Variants in SHROOM3 observed in about 807,000 individuals in gnomAD.
SHROOM3 encodes protein Shroom3.
Under a neutral mutation model 138.6 loss-of-function variants are expected in SHROOM3, and 47 were observed. The observed-to-expected ratio is 0.34, with a 90% CI of 0.27 to 0.43. The LOEUF (loss-of-function observed/expected upper bound fraction) is 0.43, where lower values mean the gene tolerates loss of function less well. Among genes scored for constraint, SHROOM3 ranks in the 20% least tolerant of loss-of-function variants. SHROOM3 has a pLI of 1.00. For missense variants in SHROOM3, 2,491 were observed against 2,596.5 expected, an observed-to-expected ratio of 0.96 and a Z score of 0.88; for synonymous variants, 1,062 against 1,063.3, an observed-to-expected ratio of 1.00 and a Z score of 0.02.
intron 1 of SHROOM3, among the ~76,000 whole-genome samples, chr4:76,469,139 T>C (rs1019083496): frequency 2.6e-5 from 4 of 151,828 alleles, no homozygotes; most frequent in Non-Finnish European, 5.9e-5. Context: ...GAGGCGGAAT[T>C]GCAGTGAACC....
intron 2 of SHROOM3, among the ~76,000 whole-genome samples, chr4:76,647,236 G>A (rs935117443): frequency 2.0e-5 from 3 of 152,134 alleles, no homozygotes; most frequent in Non-Finnish European, 4.4e-5. Context: ...GTAGAGAGTC[G>A]AGTGTTAGAT....
At chr4:76,695,984 T>A (rs1351146136) in intron 2 of SHROOM3, among the ~76,000 whole-genome samples, 1 of 152,170 alleles carries the variant, frequency 6.6e-6, no homozygotes, top group Non-Finnish European at 1.5e-5. Context: ...CAGCCCTGTA[T>A]TTGAAAGAGT....
chr4:76,527,039 G>A (rs1285509433), intron 1 of SHROOM3, among the ~76,000 whole-genome samples: 23 of 152,126 alleles, frequency 1.5e-4, no homozygotes. Context: ...AGCTGTTGCT[G>A]ATGCTTGCCT....
chr4:76,507,793 C>T (rs572450206), intron 1 of SHROOM3, among the ~76,000 whole-genome samples: 125 of 152,236 alleles, frequency 8.2e-4, no homozygotes, highest in African/African-American at 2.9e-3. Flanking sequence ...ATCTGCCAGC[C>T]TCGGCCTCCC....
chr4:76,473,966 C>A (rs1354348250), intron 1 of SHROOM3, among the ~76,000 whole-genome samples: 1 of 151,910 alleles, frequency 6.6e-6, no homozygotes, highest in Non-Finnish European at 1.5e-5. Context: ...CATTTCTATC[C>A]AGGAAAAATT....
intron 10 of SHROOM3, among the ~76,000 whole-genome samples, chr4:76,775,028 G>A (rs538403726): frequency 1.3e-5 from 2 of 151,752 alleles, no homozygotes; most frequent in African/African-American, 2.4e-5. Flanking sequence ...TCTTAGTGGC[G>A]ATTTCTGTGA....
chr4:76,636,714 C>T (rs1014927065), intron 2 of SHROOM3, among the ~76,000 whole-genome samples: 6 of 152,180 alleles, frequency 3.9e-5, no homozygotes, highest in African/African-American at 1.2e-4. Flanking sequence ...GGCGTGTCTA[C>T]AGAGTCCCAG....
At chr4:76,625,842 C>G (rs1283055324) in intron 2 of SHROOM3, among the ~76,000 whole-genome samples, 2 of 152,230 alleles carry the variant, frequency 1.3e-5, no homozygotes, top group African/African-American at 2.4e-5. Context: ...TTTTTAGACT[C>G]TAAGCAACTT....
rs899577142 is a variant in SHROOM3 at position 76,486,581 on chromosome 4, T to C, written c.168+50361T>C. On this transcript the variant is annotated intron_variant, in intron 1 of 10. Transcript: ENST00000296043. ...GGAGAGGGAACTGTTTGTTTGATGG[T>C]GGATGGAGAAAGTGTCCCAGGAAAG... Among the ~76,000 whole-genome samples, 5 of 152,258 alleles carry C rather than the reference T, an allele frequency of 3.3e-5. No homozygotes were observed. The South Asian group carries it at 6.2e-4, about 19-fold the overall frequency.
chr4:76,636,709 G>A (rs1006266968), intron 2 of SHROOM3, among the ~76,000 whole-genome samples: 8 of 152,284 alleles, frequency 5.3e-5, no homozygotes, highest in Admixed American at 1.3e-4. Flanking sequence ...GAGTTGGCGT[G>A]TCTACAGAGT....
At chr4:76,613,965 A>G (rs1336904643) in intron 2 of SHROOM3, among the ~76,000 whole-genome samples, 1 of 152,242 alleles carries the variant, frequency 6.6e-6, no homozygotes, top group Non-Finnish European at 1.5e-5. Flanking sequence ...CTACAGGACC[A>G]AGAAAGAAAC....
chr4:76,489,894 A>G (rs1213751702), intron 1 of SHROOM3, among the ~76,000 whole-genome samples: 2 of 152,216 alleles, frequency 1.3e-5, no homozygotes, highest in Non-Finnish European at 2.9e-5. Context: ...CAAAGCAAAG[A>G]AAGAATGAGG....
chr4:76,509,106 G>A (rs1205918345), intron 1 of SHROOM3, among the ~76,000 whole-genome samples: 1 of 152,032 alleles, frequency 6.6e-6, no homozygotes, highest in African/African-American at 2.4e-5. Context: ...AATTTTGGAG[G>A]GACACATACA....
At chr4:76,478,320 G>A (rs540055443) in intron 1 of SHROOM3, among the ~76,000 whole-genome samples, 1 of 152,200 alleles carries the variant, frequency 6.6e-6, no homozygotes, top group Non-Finnish European at 1.5e-5. Flanking sequence ...ACCAAGGCTT[G>A]AGTAGGCAGT....
At chr4:76,449,766 T>C (rs1730886101) in intron 1 of SHROOM3, among the ~76,000 whole-genome samples, 1 of 152,252 alleles carries the variant, frequency 6.6e-6, no homozygotes, top group African/African-American at 2.4e-5. Flanking sequence ...AATTGGCAGT[T>C]AAAGAGAAAC....
At chr4:76,666,434 A>G (rs1718696102) in intron 2 of SHROOM3, among the ~76,000 whole-genome samples, 1 of 152,016 alleles carries the variant, frequency 6.6e-6, no homozygotes, top group African/African-American at 2.4e-5. Flanking sequence ...ATGCCCAACC[A>G]ATTTTTAAAT....
chr4:76,544,406 G>C (rs1187621666), intron 1 of SHROOM3, among the ~76,000 whole-genome samples: 1 of 96,008 alleles, frequency 1.0e-5, no homozygotes, highest in South Asian at 3.1e-4. Flanking sequence ...TAGCTCAATG[G>C]CTTTTTTTTT....
chr4:76,728,743 C>A (rs1720782469), intron 3 of SHROOM3, among the ~76,000 whole-genome samples: 2 of 152,166 alleles, frequency 1.3e-5, no homozygotes, highest in African/African-American at 4.8e-5. Context: ...CCTATGTTTA[C>A]CCCCGTGATT....
rs1553913339 is a variant in SHROOM3, at chr4:76,441,087, T to TTTTTTTG, written c.168+4873_168+4874insGTTTTTT. 1.7e-4 allele frequency among the ~76,000 whole-genome samples: 5 copies of TTTTTTTG among 28,966 alleles called. No homozygotes were observed. The East Asian group carries it at 0.017, about 97-fold the overall frequency. 19.0% of individuals were successfully genotyped at this position (28,966 alleles called of 152,430 possible). A position where few individuals can be genotyped will look rare whatever the true frequency, so the allele number is the denominator to read the frequency against. On this transcript the variant is annotated intron_variant, in intron 1 of 10. Coordinates refer to ENST00000296043, the MANE Select transcript of SHROOM3 (RefSeq NM_020859.4). ...CAGCCACAGTCCTGAGTTCAATTTG[T>TTTTTTTG]TTTTTTTTTTTTTTTTTTTTGAGAC...
Sources: gnomAD v4.1 joint callset for allele counts (sites outside exome capture counted in the v4.1 genomes callset) on GRCh38, gnomAD v4.1.1 for gene constraint, MANE v1.5 for transcripts, NCBI Gene and HGNC (gene_info 2026-07-23, HGNC 2026-07-21) for gene names.